Variants in HRH1 observed in about 807,000 individuals in gnomAD.
HRH1 encodes histamine receptor H1.
In HRH1, 6 loss-of-function variants were observed where a neutral mutation model predicts 10.3. The ratio of observed to expected loss-of-function variants is 0.58; its 90% CI spans 0.32 to 1.15. The LOEUF (loss-of-function observed/expected upper bound fraction) is 1.15, where lower values mean the gene tolerates loss of function less well. HRH1 is among the 50% of genes most tolerant of loss of function. The pLI, the probability that HRH1 is intolerant of heterozygous loss-of-function variation, is 0.05. For synonymous variants in HRH1, 242 were observed against 236.7 expected, an observed-to-expected ratio of 1.02 and a Z score of -0.21; for missense variants, 514 against 615.3, an observed-to-expected ratio of 0.84 and a Z score of 1.74.
At chr3:11,233,572 C>T (rs1939098134) in intron 1 of HRH1, among the ~76,000 whole-genome samples, 1 of 152,120 alleles carries the variant, frequency 6.6e-6, no homozygotes, top group Non-Finnish European at 1.5e-5. Flanking sequence ...GAACATGGGC[C>T]CCAAACCAGG....
chr3:11,170,442 C>A (rs1422001822), intron 1 of HRH1, among the ~76,000 whole-genome samples: 3 of 152,248 alleles, frequency 2.0e-5, no homozygotes, highest in Non-Finnish European at 4.4e-5. Flanking sequence ...ACACCCCACA[C>A]TGGGCAGTGG....
chr3:11,211,854 T>C (rs1404451935), intron 1 of HRH1, among the ~76,000 whole-genome samples: 1 of 152,234 alleles, frequency 6.6e-6, no homozygotes. Flanking sequence ...GGACTATTCC[T>C]GTGGTTTGGA....
chr3:11,230,116 A>C (rs912955481), intron 1 of HRH1, among the ~76,000 whole-genome samples: 2 of 152,192 alleles, frequency 1.3e-5, no homozygotes, highest in Non-Finnish European at 1.5e-5. Context: ...CTAGAAGGCC[A>C]GTGACGGACA....
intron 1 of HRH1, among the ~76,000 whole-genome samples, chr3:11,180,905 G>A (rs187747590): frequency 6.7e-6 from 1 of 149,020 alleles, no homozygotes; most frequent in Admixed American, 6.8e-5. Context: ...AAATAATGCT[G>A]CTATGAACAA....
At chr3:11,214,180 G>A (rs566424812) in intron 1 of HRH1, among the ~76,000 whole-genome samples, 6 of 152,274 alleles carry the variant, frequency 3.9e-5, no homozygotes, top group Non-Finnish European at 8.8e-5. Flanking sequence ...GGAGATGGAA[G>A]CATTTTTTTC....
chr3:11,143,814 T>C (rs1252514433), intron 1 of HRH1, among the ~76,000 whole-genome samples: 1 of 152,172 alleles, frequency 6.6e-6, no homozygotes. Context: ...CGTGCTGTTC[T>C]CTCCTCCTGA....
chr3:11,215,320 G>C (rs531436880), intron 1 of HRH1, among the ~76,000 whole-genome samples: 1 of 152,214 alleles, frequency 6.6e-6, no homozygotes, highest in Non-Finnish European at 1.5e-5. Context: ...GAATAAACAA[G>C]TTTGGAAACA....
At chr3:11,237,495 G>C (rs928526826) in intron 1 of HRH1, among the ~76,000 whole-genome samples, 1 of 152,026 alleles carries the variant, frequency 6.6e-6, no homozygotes, top group Non-Finnish European at 1.5e-5. Context: ...AACTCCAGAA[G>C]CCTCTCTTTC....
intron 1 of HRH1, among the ~76,000 whole-genome samples, chr3:11,171,095 T>G (rs1937141729): frequency 6.6e-6 from 1 of 150,588 alleles, no homozygotes; most frequent in South Asian, 2.1e-4. Flanking sequence ...GAGTTGCAGT[T>G]GCAGGGTTTT....
intron 1 of HRH1, among the ~76,000 whole-genome samples, chr3:11,155,719 T>C (rs1000911205): frequency 2.0e-5 from 3 of 151,958 alleles, no homozygotes; most frequent in Non-Finnish European, 2.9e-5. Context: ...GCCAGAAACC[T>C]GTGACAGGAG....
At chr3:11,215,125 AAGAT>A (rs1369999733) in intron 1 of HRH1, among the ~76,000 whole-genome samples, 6 of 152,230 alleles carry the variant, frequency 3.9e-5, no homozygotes, top group Non-Finnish European at 7.3e-5. Context: ...ATAACTCAGA[AAGAT>A]AGTTCCCCTC....
chr3:11,139,137 G>A (rs145794604), intron 1 of HRH1, among the ~76,000 whole-genome samples: 2,243 of 151,570 alleles, frequency 0.015, 46 homozygotes, highest in African/African-American at 0.051. Flanking sequence ...ACAGGCATGC[G>A]CCACCATGCC....
At chr3:11,193,687 C>T (rs1403716924) in intron 1 of HRH1, among the ~76,000 whole-genome samples, 2 of 152,132 alleles carry the variant, frequency 1.3e-5, no homozygotes, top group African/African-American at 2.4e-5. Context: ...GAAGTCCAAG[C>T]TCAAGGCGAC....
rs117352752 is a variant in HRH1, at chr3:11,169,657, G to A, written c.-36+15103G>A. 3.6e-3 allele frequency among the ~76,000 whole-genome samples: 551 copies of A among 152,140 alleles called. 13 individuals are homozygous for A. The East Asian group carries it at 0.059, about 16-fold the overall frequency. ...TGACTCATTCTAGAAATCCTCGTCC[G>A]TTGACCCTTCTCTCTGCACTCTTCA... On this transcript the variant is annotated intron_variant, in intron 1 of 1. Transcript: ENST00000431010.
At chr3:11,183,285 G>A (rs1288243943) in intron 1 of HRH1, among the ~76,000 whole-genome samples, 5 of 152,156 alleles carry the variant, frequency 3.3e-5, no homozygotes, top group East Asian at 1.9e-4. Context: ...TCCTCACGGC[G>A]GCAGGGTCAG....
At position 11,259,977 on chromosome 3, in the gene HRH1, G is replaced by T. The variant is rs1939898893; in HGVS notation, c.940G>T (p.Ala314Ser). Residue 314 changes from alanine to serine, a missense_variant, in exon 2 of 2, where the codon GCA (alanine) becomes TCA (serine). Ala to Ser is a moderately conservative substitution (Grantham distance 99). Transcript: ENST00000431010. This position sits in a 1 kb window ranked among gnomAD's most constrained non-coding sequence, Gnocchi z 4.6. ...TGATATTGTGCACATGCAGGCTGCG[G>T]CAGAGGGGAGTAGCAGGGACTATGT... ...PLDIVHMQAA[A>S]EGSSRDYVAV... is the part of the protein sequence containing the mutation. 3.1e-6 allele frequency: 5 copies of T among 1,614,180 alleles called. No homozygotes were observed. Among genetic ancestry groups the T allele is most frequent in the Non-Finnish European group, 3.4e-6 (4 of 1,180,028 alleles).
At chr3:11,247,671 CTA>C (rs1213686329) in intron 1 of HRH1, among the ~76,000 whole-genome samples, 8 of 151,318 alleles carry the variant, frequency 5.3e-5, no homozygotes, top group African/African-American at 9.9e-5. Context: ...GAACAGGGAA[CTA>C]AAGCTTTTCG....
chr3:11,210,504 GC>G (rs1938290848), intron 1 of HRH1, among the ~76,000 whole-genome samples: 1 of 151,994 alleles, frequency 6.6e-6, no homozygotes, highest in Non-Finnish European at 1.5e-5. Context: ...AAATAAAACA[GC>G]TATTGGCTGG....
chr3:11,150,818 C>G, upstream of HRH1, among the ~76,000 whole-genome samples: 1 of 152,224 alleles, frequency 6.6e-6, no homozygotes, highest in East Asian at 1.9e-4. Flanking sequence ...TGGTTAGCCA[C>G]GATTCCTGTT....
Sources: gnomAD v4.1 joint callset for allele counts (sites outside exome capture counted in the v4.1 genomes callset) on GRCh38, gnomAD v4.1.1 for gene constraint, Gnocchi (gnomAD v3.1) non-coding constraint, MANE v1.5 for transcripts, NCBI Gene and HGNC (gene_info 2026-07-23, HGNC 2026-07-21) for gene names.